PHLDB3: variants seen among roughly 807,000 people sequenced by gnomAD.
PHLDB3 encodes the protein pleckstrin homology-like domain family B member 3.
In PHLDB3, 86 loss-of-function variants were observed where a neutral mutation model predicts 85.7. That is an observed-to-expected ratio of 1.00 (90% CI 0.84 to 1.20). The LOEUF (loss-of-function observed/expected upper bound fraction) is 1.20, where lower values mean the gene tolerates loss of function less well. Ranked by LOEUF, PHLDB3 falls within the 50% of genes most tolerant of loss-of-function variation. The pLI is 0.00. For missense variants in PHLDB3, 995 were observed against 873.0 expected, an observed-to-expected ratio of 1.14 and a Z score of -1.76; for synonymous variants, 376 against 349.8, an observed-to-expected ratio of 1.07 and a Z score of -0.83.
chr19:43,489,189 A>G (rs1971254876), intron 9 of PHLDB3, among the ~76,000 whole-genome samples: 1 of 152,198 alleles, frequency 6.6e-6, no homozygotes, highest in African/African-American at 2.4e-5. Context: ...AAAAGAAAAA[A>G]AACAGAACAT....
chr19:43,475,291 C>G lies in PHLDB3; in HGVS notation c.*119G>C. On this transcript the variant is annotated 3_prime_UTR_variant, in exon 16 of 16. Coordinates refer to ENST00000292140, the MANE Select transcript of PHLDB3 (RefSeq NM_198850.4). ...TGAACTGCCGCGCCTGCGGAATTCC[C>G]GGGAGAGTTCCAAAGCGGTGCGTCC... The G allele has an allele frequency of 7.3e-7, 1 of 1,374,718 alleles. No individual in the cohort carries two copies. The highest frequency in any genetic ancestry group is 1.4e-5 in the South Asian group (1 of 70,452). The allele number at this position is 1,374,718 out of a possible 1,614,324, so 85.2% of individuals were successfully genotyped here.
chr19:43,494,930 T>A, intron 8 of PHLDB3, 115 bp from the exon 9 acceptor site: 2 of 732,290 alleles, frequency 2.7e-6, no homozygotes, highest in Non-Finnish European at 4.5e-6. Flanking sequence ...AAAGAAAAAC[T>A]AAGGAGAGAT....
chr19:43,493,492 CT>C (rs1971370421), intron 9 of PHLDB3, among the ~76,000 whole-genome samples: 2 of 151,744 alleles, frequency 1.3e-5, no homozygotes, highest in Admixed American at 6.6e-5. Flanking sequence ...CAAAAATCAG[CT>C]GTGTATGGTG....
rs1384408873 is a variant in PHLDB3 at position 43,479,590 on chromosome 19, G to T, written c.1489C>A (p.Pro497Thr). The change falls in exon 14 of 16, where the codon CCA (proline) becomes ACA (threonine). Residue 497 changes from proline (P) to threonine (T), a missense_variant. Physicochemically the swap from Pro to Thr is conservative, Grantham distance 38 (BLOSUM62 -1). Coordinates refer to ENST00000292140, the MANE Select transcript of PHLDB3 (RefSeq NM_198850.4). ...CCTGGAGGGTGGGGTGGGGTGGGTG[G>T]GGCCTGGGGAGCAAAGAGACGGGGC... ...SGPAVPAITA[P>T]PTPPHPPGPR... 3 of 1,489,424 alleles carry T rather than the reference G, an allele frequency of 2.0e-6. No homozygotes were observed. Among genetic ancestry groups the T allele is most frequent in the Non-Finnish European group, 2.7e-6 (3 of 1,094,728 alleles). The allele number at this position is 1,489,424 out of a possible 1,614,324, so 92.3% of individuals were successfully genotyped here.
intron 15 of PHLDB3, among the ~76,000 whole-genome samples, chr19:43,475,914 G>C (rs1970918300): frequency 6.6e-6 from 1 of 152,040 alleles, no homozygotes; most frequent in Non-Finnish European, 1.5e-5. Context: ...TCCTGCCTCA[G>C]CCTCCCGAGT....
At chr19:43,481,756 G>A (rs1422963711) in intron 13 of PHLDB3, among the ~76,000 whole-genome samples, 3 of 151,258 alleles carry the variant, frequency 2.0e-5, no homozygotes, top group Admixed American at 6.6e-5. Flanking sequence ...ATCACACCAC[G>A]GCACTCCAGG....
chr19:43,496,022 T>A (rs947698031), intron 6 of PHLDB3: 17 of 159,636 alleles, frequency 1.1e-4, no homozygotes, highest in Non-Finnish European at 2.0e-4. Context: ...AGCTCTTTTT[T>A]TTTTTTTTTT....
rs1313137218 is a variant in PHLDB3 at position 43,495,190 on chromosome 19, G to C, written c.1035+66C>G. The stretch of plus-strand genomic sequence containing the variant: ...CTGGACTCCTGCGTCTGAGGGAGGA[G>C]GGGCTGGGGACTGGACTTTCAAGTC... On this transcript the variant is annotated intron_variant, in intron 8 of 15. Transcript: ENST00000292140. 2.3e-5 allele frequency: 34 copies of C among 1,475,932 alleles called. No individual in the cohort carries two copies. In the South Asian group the frequency reaches 2.5e-4, roughly 11 times the overall value. The allele number at this position is 1,475,932 out of a possible 1,614,324, so 91.4% of individuals were successfully genotyped here. A position where few individuals can be genotyped will look rare whatever the true frequency, so the allele number is the denominator to read the frequency against.
At chr19:43,501,426 C>G (rs1462935879) in intron 4 of PHLDB3, 1 of 374,164 alleles carries the variant, frequency 2.7e-6, no homozygotes, top group Non-Finnish European at 4.9e-6. Context: ...CTCAGGCAAT[C>G]CGCCCGCCTC....
chr19:43,495,715 G>C, intron 6 of PHLDB3, 95 bp from the exon 7 acceptor site: 1 of 1,477,054 alleles, frequency 6.8e-7, no homozygotes, highest in Non-Finnish European at 9.0e-7. Flanking sequence ...GTTTACTCCA[G>C]CCACTCCCAG....
chr19:43,487,538 G>A (rs2145912663), intron 9 of PHLDB3, among the ~76,000 whole-genome samples: 1 of 132,066 alleles, frequency 7.6e-6, no homozygotes, highest in South Asian at 2.5e-4. Flanking sequence ...TCGCGCCACT[G>A]TACTCCAGCC....
intron 9 of PHLDB3, among the ~76,000 whole-genome samples, chr19:43,490,337 A>G (rs1379728157): frequency 6.6e-6 from 1 of 152,088 alleles, no homozygotes; most frequent in Non-Finnish European, 1.5e-5. Flanking sequence ...GGGAAGGCAG[A>G]TCACTTTAGC....
At position 43,502,212 on chromosome 19, in the gene PHLDB3, TCGCACCCCTTCC is replaced by T; in HGVS notation, c.273_284del (p.Glu92_Arg95del). ...GTCCTTGCAGGCGCCGCGCCGCCCCTCGCACCCCTTCCCGCGAAGAGGTGGATGCGGGAGGTG... is the reference window on the plus strand; with the variant it reads ...GTCCTTGCAGGCGCCGCGCCGCCCCTCGCGAAGAGGTGGATGCGGGAGGTG... On this transcript the variant is annotated inframe_deletion, in exon 3 of 16. Transcript: ENST00000292140. The T allele has an allele frequency of 6.4e-7, 1 of 1,565,650 alleles. No individual in the cohort carries two copies. Among genetic ancestry groups the T allele is most frequent in the Non-Finnish European group, 8.7e-7 (1 of 1,155,968 alleles).
At position 43,475,548 on chromosome 19, in the gene PHLDB3, G is replaced by T. The variant is rs370546590; in HGVS notation, c.1789-4C>A. The T allele has an allele frequency of 6.8e-6, 11 of 1,613,704 alleles. No homozygotes were observed. The highest frequency in any genetic ancestry group is 9.3e-6 in the Non-Finnish European group (11 of 1,179,834). ...AGGTCAGGCGGGGGTTGGGGCTCTG[G>T]AATAAGCAGAAAGTGAGGGTAATTC... On this transcript the variant is annotated splice_region_variant and splice_polypyrimidine_tract_variant and intron_variant, in intron 15 of 15. Transcript: ENST00000292140.
chr19:43,482,314 C>T (rs190942036), intron 13 of PHLDB3, among the ~76,000 whole-genome samples: 24 of 152,270 alleles, frequency 1.6e-4, no homozygotes, highest in Non-Finnish European at 2.9e-4. Context: ...AGGGTTATCA[C>T]AGCACTCTCC....
intron 12 of PHLDB3, 114 bp from the exon 13 acceptor site, chr19:43,486,436 T>C (rs749142660): frequency 7.8e-7 from 1 of 1,276,486 alleles, no homozygotes; most frequent in Non-Finnish European, 1.1e-6. Context: ...GGGCCTGGAC[T>C]CCTGGGTATG....
intron 14 of PHLDB3, 27 bp downstream of exon 14, chr19:43,479,350 G>A: frequency 6.4e-7 from 1 of 1,550,460 alleles, no homozygotes; most frequent in Non-Finnish European, 8.7e-7. Flanking sequence ...AGCGTCCTGG[G>A]GCCCATGGTG....
At chr19:43,486,213 G>GGGGGAGAAACAGAGC (rs1971151516) in intron 13 of PHLDB3, 53 bp downstream of exon 13, 3 of 1,568,642 alleles carry the variant, frequency 1.9e-6, no homozygotes, top group South Asian at 2.4e-5. Context: ...GCATAGGTCA[G>GGGGGAGAAACAGAGC]GGGGAGAAAC....
chr19:43,494,666 A>C (rs1208182251), intron 9 of PHLDB3, 36 bp downstream of exon 9: 1 of 1,507,054 alleles, frequency 6.6e-7, no homozygotes, highest in South Asian at 1.2e-5. Flanking sequence ...CTGACCAATA[A>C]GATATATGGG....
Sources: allele counts gnomAD v4.1 joint callset (sites outside exome capture counted in the v4.1 genomes callset), GRCh38; gene constraint gnomAD v4.1.1; transcripts MANE v1.5; gene names NCBI Gene and HGNC (gene_info 2026-07-23, HGNC 2026-07-21).